WWTR1: variants seen among roughly 807,000 people sequenced by gnomAD.
WWTR1 encodes the protein WW domain-containing transcription regulator protein 1.
In WWTR1, 13 loss-of-function variants were observed where a neutral mutation model predicts 40.1. That is an observed-to-expected ratio of 0.32 (90% CI 0.21 to 0.52). WWTR1 has a LOEUF of 0.52. Among genes scored for constraint, WWTR1 ranks in the 20% least tolerant of loss-of-function variants. The pLI is 0.97. For synonymous variants in WWTR1, 230 were observed against 210.1 expected (o/e 1.09, Z -0.82); for missense variants, 436 against 523.1 (o/e 0.83, Z 1.63).
intron 1 of WWTR1, chr3:149,670,689 G>C (rs1260137003): frequency 1.3e-5 from 2 of 151,742 alleles, no homozygotes; most frequent in South Asian, 4.2e-4. Flanking sequence ...TGAGGCAAGA[G>C]GTGAAGTGAC....
At chr3:149,624,761 G>T (rs918333835) in intron 2 of WWTR1, among the ~76,000 whole-genome samples, 3 of 151,934 alleles carry the variant, frequency 2.0e-5, no homozygotes, top group African/African-American at 7.3e-5. Context: ...GTGCAGTGGC[G>T]TGACCTCGGC....
intron 2 of WWTR1, among the ~76,000 whole-genome samples, chr3:149,632,126 G>C (rs1380604005): frequency 6.6e-6 from 1 of 152,066 alleles, no homozygotes; most frequent in Admixed American, 6.5e-5. Flanking sequence ...TGCCCAGGTT[G>C]GTCTCAAACT....
At chr3:149,621,695 T>C (rs1337234360) in intron 2 of WWTR1, among the ~76,000 whole-genome samples, 1 of 152,240 alleles carries the variant, frequency 6.6e-6, no homozygotes, top group African/African-American at 2.4e-5. Flanking sequence ...ATATGGTCTA[T>C]GCCCAGTTAT....
At chr3:149,567,714 T>C (rs368874800) in intron 3 of WWTR1, among the ~76,000 whole-genome samples, 2 of 152,192 alleles carry the variant, frequency 1.3e-5, no homozygotes, top group East Asian at 3.8e-4. Flanking sequence ...TACCAAGACA[T>C]GGACTACCTA....
At chr3:149,528,302 T>C (rs1213903845) in intron 4 of WWTR1, among the ~76,000 whole-genome samples, 1 of 152,214 alleles carries the variant, frequency 6.6e-6, no homozygotes, top group Non-Finnish European at 1.5e-5. Context: ...TTTTTCTATC[T>C]CAGGTTCTCA....
chr3:149,695,800 T>C (rs1182736823), intron 1 of WWTR1, among the ~76,000 whole-genome samples: 7 of 135,670 alleles, frequency 5.2e-5, no homozygotes, highest in African/African-American at 1.9e-4. Context: ...AAAAAATATA[T>C]ATATATATAT....
At chr3:149,605,844 T>C (rs1226229551) in intron 2 of WWTR1, among the ~76,000 whole-genome samples, 1 of 152,098 alleles carries the variant, frequency 6.6e-6, no homozygotes, top group Non-Finnish European at 1.5e-5. Context: ...ACCACTGAGA[T>C]ACTGGAGAAA....
chr3:149,584,165 T>C (rs569150393), intron 2 of WWTR1, among the ~76,000 whole-genome samples: 16 of 152,338 alleles, frequency 1.1e-4, no homozygotes, highest in East Asian at 7.7e-4. Flanking sequence ...CCACTCCAAA[T>C]GTGAAATATG....
chr3:149,639,218 A>G (rs1003730436), intron 2 of WWTR1, among the ~76,000 whole-genome samples: 4 of 152,126 alleles, frequency 2.6e-5, no homozygotes, highest in African/African-American at 7.2e-5. Flanking sequence ...AAAAAAATAT[A>G]TATATACAGG....
At chr3:149,569,015 C>A (rs973981214) in intron 3 of WWTR1, among the ~76,000 whole-genome samples, 5 of 152,190 alleles carry the variant, frequency 3.3e-5, no homozygotes, top group African/African-American at 1.2e-4. Context: ...ATCCTCCCAC[C>A]TCGGTCTCCC....
rs181063176 is a variant in WWTR1, at chr3:149,577,800, G to A, written c.432-4800C>T. On this transcript the variant is annotated intron_variant, in intron 2 of 6. Transcript: ENST00000360632. ...GTTAAAATGTTTTGAAATTGGTGGGGTGGCACTCCCACCCTCCAAGTCACC... is the reference window on the plus strand; with the variant it reads ...GTTAAAATGTTTTGAAATTGGTGGGATGGCACTCCCACCCTCCAAGTCACC... Among the ~76,000 whole-genome samples, 801 of 152,148 alleles carry A rather than the reference G, an allele frequency of 5.3e-3. 26 individuals are homozygous for A. Among genetic ancestry groups the A allele is most frequent in the Admixed American group, 0.047 (724 of 15,258 alleles).
chr3:149,600,473 A>G (rs1739193330), intron 2 of WWTR1, among the ~76,000 whole-genome samples: 1 of 152,204 alleles, frequency 6.6e-6, no homozygotes, highest in South Asian at 2.1e-4. Flanking sequence ...TGTCCCTCCA[A>G]GCACCTCAAG....
At chr3:149,584,464 G>C (rs978706391) in intron 2 of WWTR1, among the ~76,000 whole-genome samples, 8 of 152,282 alleles carry the variant, frequency 5.3e-5, no homozygotes, top group Middle Eastern at 6.8e-3. Flanking sequence ...AAAAGGGCTG[G>C]CATGAACCCC....
At chr3:149,715,989 C>T (rs1354558104) in intron 5 of WWTR1, among the ~76,000 whole-genome samples, 1 of 152,124 alleles carries the variant, frequency 6.6e-6, no homozygotes, top group African/African-American at 2.4e-5. Flanking sequence ...AAATTGGTCT[C>T]AGGTTTGCCT....
chr3:149,577,440 G>A (rs1192183789), intron 2 of WWTR1, among the ~76,000 whole-genome samples: 4 of 152,102 alleles, frequency 2.6e-5, no homozygotes, highest in African/African-American at 9.7e-5. Context: ...AAATATAAGC[G>A]GGAGTGGGCT....
intron 4 of WWTR1, among the ~76,000 whole-genome samples, chr3:149,536,347 T>C (rs1576543662): frequency 6.6e-6 from 1 of 152,360 alleles, no homozygotes; most frequent in East Asian, 1.9e-4. Flanking sequence ...TATGAAATGC[T>C]TTTCTAAAAG....
At chr3:149,590,827 G>A (rs1223745952) in intron 2 of WWTR1, among the ~76,000 whole-genome samples, 4 of 152,140 alleles carry the variant, frequency 2.6e-5, no homozygotes, top group Non-Finnish European at 4.4e-5. Context: ...CATTAGGAAG[G>A]AAGGAAAAGG....
chr3:149,705,487 C>T (rs1407657766), upstream of WWTR1, among the ~76,000 whole-genome samples: 1 of 152,174 alleles, frequency 6.6e-6, no homozygotes, highest in Non-Finnish European at 1.5e-5. Flanking sequence ...ATGCCATTTT[C>T]AGTTTCTACA....
chr3:149,633,649 G>A (rs1046005245), intron 2 of WWTR1, among the ~76,000 whole-genome samples: 1 of 152,180 alleles, frequency 6.6e-6, no homozygotes. Context: ...CCAACAGCCT[G>A]TAGACTGGGT....
Sources: gnomAD v4.1 joint callset for allele counts (sites outside exome capture counted in the v4.1 genomes callset) on GRCh38, gnomAD v4.1.1 for gene constraint, MANE v1.5 for transcripts, NCBI Gene and HGNC (gene_info 2026-07-23, HGNC 2026-07-21) for gene names.